SNTG1: variants seen among roughly 807,000 people sequenced by gnomAD.
SNTG1 encodes syntrophin gamma 1, also known as gamma-1-syntrophin.
A neutral mutation model predicts 74.7 loss-of-function variants in SNTG1; 39 were observed. The ratio of observed to expected loss-of-function variants is 0.52; its 90% CI spans 0.40 to 0.68. SNTG1 has a LOEUF of 0.68. SNTG1 is among the 30% of genes least tolerant of loss of function. SNTG1 has a pLI of 0.00. For synonymous variants in SNTG1, 254 were observed against 217.1 expected (o/e 1.17, Z -1.49); for missense variants, 685 against 609.5 (o/e 1.12, Z -1.30).
chr8:50,699,585 A>G (rs2095416690), intron 15 of SNTG1, among the ~76,000 whole-genome samples: 1 of 152,216 alleles, frequency 6.6e-6, no homozygotes, highest in Non-Finnish European at 1.5e-5. Context: ...CTAACAAAAT[A>G]GAAGATACTT....
At chr8:50,658,848 C>T (rs906523643) in intron 15 of SNTG1, among the ~76,000 whole-genome samples, 185 bp downstream of exon 15, 4 of 152,172 alleles carry the variant, frequency 2.6e-5, no homozygotes, top group Non-Finnish European at 5.9e-5. Flanking sequence ...CAGAAGTGCA[C>T]TGGCACTCAG....
chr8:50,704,466 TA>T, intron 15 of SNTG1, 133 bp from the exon 16 acceptor site: 1 of 1,079,166 alleles, frequency 9.3e-7, no homozygotes, highest in Non-Finnish European at 1.4e-6. Flanking sequence ...GTATAATGTC[TA>T]ATGAAGACTT....
chr8:50,469,582 G>A (rs1430704460), intron 8 of SNTG1, among the ~76,000 whole-genome samples: 1 of 151,948 alleles, frequency 6.6e-6, no homozygotes, highest in Admixed American at 6.6e-5. Context: ...CTTTTGTTGG[G>A]GCTCACACTC....
chr8:50,259,954 T>C (rs2087099226), intron 2 of SNTG1, among the ~76,000 whole-genome samples: 1 of 151,980 alleles, frequency 6.6e-6, no homozygotes, highest in African/African-American at 2.4e-5. Flanking sequence ...TTCCAAGGAG[T>C]ACCTGTCTTA....
chr8:49,969,720 A>T (rs367714943), intron 1 of SNTG1, among the ~76,000 whole-genome samples: 1 of 152,050 alleles, frequency 6.6e-6, no homozygotes, highest in African/African-American at 2.4e-5. Context: ...TTCAAGTTAC[A>T]TCCATTACAT....
chr8:50,290,199 G>A (rs2089016665), intron 2 of SNTG1, among the ~76,000 whole-genome samples: 1 of 151,972 alleles, frequency 6.6e-6, no homozygotes, highest in Non-Finnish European at 1.5e-5. Flanking sequence ...CTGTACCTAG[G>A]TTCCTCCAAA....
intron 17 of SNTG1, among the ~76,000 whole-genome samples, chr8:50,709,519 A>AGGG: frequency 6.6e-6 from 1 of 152,132 alleles, no homozygotes; most frequent in Non-Finnish European, 1.5e-5. Context: ...TCTTTTCCCA[A>AGGG]AGTGTACATC....
chr8:50,642,216 A>C (rs2131178412), intron 13 of SNTG1, among the ~76,000 whole-genome samples: 1 of 152,298 alleles, frequency 6.6e-6, no homozygotes, highest in African/African-American at 2.4e-5. Context: ...CTTTCAAAAT[A>C]GATCGAGTTA....
At chr8:50,325,689 T>C (rs576579391) in intron 2 of SNTG1, among the ~76,000 whole-genome samples, 3 of 152,216 alleles carry the variant, frequency 2.0e-5, no homozygotes, top group Admixed American at 1.3e-4. Context: ...TTAAAAAGCT[T>C]GCAAACAAAA....
At chr8:50,492,037 C>T (rs1392869869) in intron 8 of SNTG1, among the ~76,000 whole-genome samples, 3 of 152,148 alleles carry the variant, frequency 2.0e-5, no homozygotes, top group African/African-American at 7.2e-5. Context: ...TGTCCAGCTT[C>T]ATCCATGCCC....
chr8:50,557,906 T>G (rs1035431418), intron 12 of SNTG1, among the ~76,000 whole-genome samples: 1 of 152,356 alleles, frequency 6.6e-6, no homozygotes, highest in Non-Finnish European at 1.5e-5. Context: ...GTTCCACACG[T>G]GCATTGCTTG....
chr8:50,438,573 G>A lies in SNTG1; in HGVS notation c.193G>A (p.Val65Ile), dbSNP rs752906987. The change falls in exon 5 of 19, where the codon GTA (valine) becomes ATA (isoleucine). Residue 65 changes from valine (V) to isoleucine (I), a missense_variant. Transcript: ENST00000642720. ...ERTVTIRRQT[V>I]GGFGLSIKGG... ...AACGGTGACCATCAGAAGACAAACA[G>A]TAGGAGGATTTGGATTAAGCATAAA... 6.2e-7 allele frequency: 1 copy of A among 1,613,274 alleles called. No homozygotes were observed. The highest frequency in any genetic ancestry group is 1.1e-5 in the South Asian group (1 of 91,054).
At chr8:49,945,113 G>A (rs924833677) in intron 1 of SNTG1, among the ~76,000 whole-genome samples, 1 of 152,192 alleles carries the variant, frequency 6.6e-6, no homozygotes, top group Non-Finnish European at 1.5e-5. Context: ...GTGGTGTGAT[G>A]AGTATTCTGA....
chr8:50,484,145 T>TTTCC (rs1363724784), intron 8 of SNTG1, among the ~76,000 whole-genome samples: 1,657 of 60,698 alleles, frequency 0.027, 37 homozygotes, highest in South Asian at 0.11. Flanking sequence ...TCCTTCTTTC[T>TTTCC]TTCTTTCCTT....
chr8:50,371,664 A>G (rs915222602), intron 2 of SNTG1, among the ~76,000 whole-genome samples: 1 of 152,162 alleles, frequency 6.6e-6, no homozygotes, highest in African/African-American at 2.4e-5. Context: ...GTTAATATCT[A>G]TTTCTAACAT....
chr8:50,590,487 C>G (rs182344881), intron 12 of SNTG1, among the ~76,000 whole-genome samples: 1 of 151,974 alleles, frequency 6.6e-6, no homozygotes, highest in East Asian at 1.9e-4. Flanking sequence ...TTGGATATTG[C>G]GCTTCCCTGT....
intron 13 of SNTG1, among the ~76,000 whole-genome samples, chr8:50,593,765 TG>T (rs764903215): frequency 1.1e-4 from 16 of 151,556 alleles, no homozygotes; most frequent in Admixed American, 5.9e-4. Flanking sequence ...TCACCCAGGC[TG>T]GAGTGCAGTG....
chr8:50,185,669 C>T (rs944435633), intron 2 of SNTG1, among the ~76,000 whole-genome samples: 1 of 152,118 alleles, frequency 6.6e-6, no homozygotes, highest in African/African-American at 2.4e-5. Context: ...TAAGAGAAAT[C>T]ACACCTTTTT....
At chr8:50,630,997 G>C (rs1392194547) in intron 13 of SNTG1, among the ~76,000 whole-genome samples, 2 of 152,200 alleles carry the variant, frequency 1.3e-5, no homozygotes, top group African/African-American at 4.8e-5. Flanking sequence ...CAGGGAGAAA[G>C]CTTCCTAGTT....
Sources: gnomAD v4.1 joint callset for allele counts (sites outside exome capture counted in the v4.1 genomes callset) on GRCh38, gnomAD v4.1.1 for gene constraint, MANE v1.5 for transcripts, NCBI Gene and HGNC (gene_info 2026-07-23, HGNC 2026-07-21) for gene names.